MRPL14: variants seen among roughly 807,000 people sequenced by gnomAD.
The protein encoded by MRPL14 is large ribosomal subunit protein uL14m.
MRPL14 carries 8 observed loss-of-function variants against 10.9 expected under a neutral mutation model. That is an observed-to-expected ratio of 0.74 (90% CI 0.43 to 1.33). MRPL14 has a LOEUF of 1.33. Among genes scored for constraint, MRPL14 ranks in the 40% most tolerant of loss-of-function variants. The pLI, the probability that MRPL14 is intolerant of heterozygous loss-of-function variation, is 0.01. For missense variants in MRPL14, 179 were observed against 194.5 expected, an observed-to-expected ratio of 0.92 and a Z score of 0.47; for synonymous variants, 82 against 74.1, an observed-to-expected ratio of 1.11 and a Z score of -0.54.
Position 44,116,578 on chromosome 6 carries a change from T to C in MRPL14, c.34A>G (p.Thr12Ala). 6.2e-7 allele frequency: 1 copy of C among 1,613,926 alleles called. No homozygotes were observed. The change falls in exon 2 of 3, where the codon ACC becomes GCC. Residue 12 changes from threonine to alanine, a missense_variant. Coordinates refer to ENST00000372014, the MANE Select transcript of MRPL14 (RefSeq NM_032111.4). ...AFFTGLWGPF[T>A]CVSRVLSHHC... ...TGGCTCAGCACTCTGCTTACACAGGTGAAGGGGCCCCAGAGCCCAGTAAAG... is the reference window on the plus strand; with the variant it reads ...TGGCTCAGCACTCTGCTTACACAGGCGAAGGGGCCCCAGAGCCCAGTAAAG...
intron 1 of MRPL14, 40 bp from the exon 2 acceptor site, chr6:44,116,669 T>C (rs375312508): frequency 1.4e-6 from 2 of 1,475,950 alleles, no homozygotes; most frequent in East Asian, 2.3e-5. Flanking sequence ...GGTTTCTAAG[T>C]CAGAGCCCTT....
At chr6:44,118,214 C>T (rs1776055494) in intron 1 of MRPL14, among the ~76,000 whole-genome samples, 1 of 152,136 alleles carries the variant, frequency 6.6e-6, no homozygotes, top group East Asian at 1.9e-4. Flanking sequence ...TGACCCTGGA[C>T]AAGTAACCAA....
At chr6:44,122,544 A>G (rs1562101024) in intron 1 of MRPL14, among the ~76,000 whole-genome samples, 1 of 152,166 alleles carries the variant, frequency 6.6e-6, no homozygotes, top group Non-Finnish European at 1.5e-5. Context: ...CATTGTTTCT[A>G]CCTAAACAAT....
chr6:44,126,452 A>G (rs1220212377), intron 1 of MRPL14, among the ~76,000 whole-genome samples: 1 of 152,158 alleles, frequency 6.6e-6, no homozygotes, highest in Non-Finnish European at 1.5e-5. Flanking sequence ...ACGCTGACCA[A>G]CTACAAGATC....
At chr6:44,116,407 T>C (rs1358919680) in intron 2 of MRPL14, 134 bp downstream of exon 2, 16 of 846,482 alleles carry the variant, frequency 1.9e-5, no homozygotes, top group African/African-American at 1.9e-4. Flanking sequence ...CAGCTCAGCC[T>C]GATCACTTTA....
rs1312715366 is a variant in MRPL14 at position 44,114,067 on chromosome 6, G to A, written c.214C>T (p.Gln72Ter). The A allele has an allele frequency of 6.2e-6, 10 of 1,614,156 alleles. No homozygotes were observed. The highest frequency in any genetic ancestry group is 7.6e-6 in the Non-Finnish European group (9 of 1,180,032). Residue 72 changes from glutamine to a stop codon, truncating the protein, a stop_gained, in exon 3 of 3, where the codon CAG becomes TAG. Coordinates refer to ENST00000372014, the MANE Select transcript of MRPL14 (RefSeq NM_032111.4). LOFTEE classifies it high-confidence loss of function. ...TGTCCCTTGATGGCCAGTAGTATCT[G>A]GTCGCCCACCTTGCCCACTCCATTC... ...KKNGVGKVGD[Q>*]ILLAIKGQKK...
chr6:44,125,113 A>C (rs72855997), intron 1 of MRPL14, among the ~76,000 whole-genome samples: 1 of 152,186 alleles, frequency 6.6e-6, no homozygotes, highest in Non-Finnish European at 1.5e-5. Context: ...GCCCCAAGGG[A>C]AACATTTTAT....
chr6:44,126,034 A>ACCT (rs1331663919), intron 1 of MRPL14, among the ~76,000 whole-genome samples: 3 of 152,166 alleles, frequency 2.0e-5, no homozygotes, highest in Non-Finnish European at 4.4e-5. Context: ...TCACACAGTA[A>ACCT]CCTCCGTGAA....
intron 1 of MRPL14, among the ~76,000 whole-genome samples, chr6:44,119,577 A>G (rs533301473): frequency 6.6e-6 from 1 of 152,310 alleles, no homozygotes; most frequent in South Asian, 2.1e-4. Context: ...CTCACAGCCA[A>G]TTCAGTGCTT....
intron 1 of MRPL14, among the ~76,000 whole-genome samples, chr6:44,118,625 T>A (rs888222984): frequency 6.6e-6 from 1 of 152,234 alleles, no homozygotes; most frequent in Admixed American, 6.5e-5. Flanking sequence ...ATCAAATGGT[T>A]ACAATGTGTC....
intron 2 of MRPL14, among the ~76,000 whole-genome samples, chr6:44,115,776 C>T (rs1251284696): frequency 1.3e-5 from 2 of 152,100 alleles, no homozygotes; most frequent in African/African-American, 4.8e-5. Context: ...ACCCTGCCTC[C>T]CAATTCTCCC....
chr6:44,126,589 G>A (rs1443962531), intron 1 of MRPL14, among the ~76,000 whole-genome samples: 3 of 152,180 alleles, frequency 2.0e-5, no homozygotes, highest in African/African-American at 4.8e-5. Context: ...TCTGTCATAT[G>A]CCCTTTTAAC....
At chr6:44,115,176 G>T (rs1775719601) in intron 2 of MRPL14, among the ~76,000 whole-genome samples, 1 of 115,308 alleles carries the variant, frequency 8.7e-6, no homozygotes, top group South Asian at 2.6e-4. Flanking sequence ...GTAATCCTAG[G>T]ACCTCTTCTC....
intron 1 of MRPL14, among the ~76,000 whole-genome samples, chr6:44,117,054 CCTAAAAGAAAGTAAATTAT>C (rs573529496): frequency 2.3e-3 from 350 of 152,252 alleles, no homozygotes; most frequent in African/African-American, 7.8e-3. Flanking sequence ...ACTTTAACTC[CCTAAAAGAAAGTAAATTAT>C]CTAAGCAGCC....
chr6:44,118,354 T>A (rs1362155675), intron 1 of MRPL14, among the ~76,000 whole-genome samples: 1 of 152,220 alleles, frequency 6.6e-6, no homozygotes, highest in African/African-American at 2.4e-5. Context: ...TCATTACCTA[T>A]TAGCTATCAT....
intron 1 of MRPL14, among the ~76,000 whole-genome samples, chr6:44,123,866 G>A (rs1219966532): frequency 6.6e-6 from 1 of 151,614 alleles, no homozygotes; most frequent in African/African-American, 2.4e-5. Flanking sequence ...GCGAGACCCT[G>A]CCTCAAAAAA....
rs1025315943 is a variant in MRPL14, at chr6:44,117,852, T to G, written c.-18-1223A>C. Reference sequence around the variant, plus strand: ...GCTAATTTTTTGTGTTTTTTTTTTTTTTTTTTTTTTTTTTGTAGAGATGAT... The same window carrying G: ...GCTAATTTTTTGTGTTTTTTTTTTTGTTTTTTTTTTTTTTGTAGAGATGAT... On this transcript the variant is annotated intron_variant, in intron 1 of 2. Transcript: ENST00000372014. Among the ~76,000 whole-genome samples the G allele has an allele frequency of 9.3e-5, 13 of 139,490 alleles. No homozygotes were observed. In the East Asian group the frequency reaches 1.3e-3, roughly 13 times the overall value. 91.5% of individuals were successfully genotyped at this position (139,490 alleles called of 152,430 possible).
Position 44,114,157 on chromosome 6 carries a change from C to G in MRPL14, c.124G>C (p.Asp42His). ...IQKMTRVRVV[D>H]NSALGNSPYH... Reference sequence around the variant, plus strand: ...GGGCTGTTCCCCAGGGCACTGTTGTCCACCACTCGTACCCGCGTCATCTTC... The same window carrying G: ...GGGCTGTTCCCCAGGGCACTGTTGTGCACCACTCGTACCCGCGTCATCTTC... The change falls in exon 3 of 3, where the codon GAC becomes CAC. Residue 42 changes from aspartate to histidine, a missense_variant. Transcript: ENST00000372014. The G allele has an allele frequency of 6.2e-7, 1 of 1,614,006 alleles. No individual in the cohort carries two copies. Among genetic ancestry groups the G allele is most frequent in the Non-Finnish European group, 8.5e-7 (1 of 1,179,948 alleles).
chr6:44,115,462 C>A (rs982967532), intron 2 of MRPL14, among the ~76,000 whole-genome samples: 1 of 152,140 alleles, frequency 6.6e-6, no homozygotes, highest in African/African-American at 2.4e-5. Context: ...TCTCCACCAA[C>A]ATGAACTGGC....
Sources: allele counts gnomAD v4.1 joint callset (sites outside exome capture counted in the v4.1 genomes callset), GRCh38; gene constraint gnomAD v4.1.1; transcripts MANE v1.5; gene names NCBI Gene and HGNC (gene_info 2026-07-23, HGNC 2026-07-21).